Variants in RAD51B observed in about 807,000 individuals in gnomAD.
RAD51B encodes DNA repair protein RAD51 homolog 2.
In RAD51B, 38 loss-of-function variants were observed where a neutral mutation model predicts 42.2. The observed-to-expected ratio is 0.90, with a 90% CI of 0.70 to 1.18. The LOEUF (loss-of-function observed/expected upper bound fraction) is 1.18. Ranked by LOEUF, RAD51B falls within the 50% of genes most tolerant of loss-of-function variation. The pLI is 0.00. For synonymous variants in RAD51B, 154 were observed against 145.2 expected, an observed-to-expected ratio of 1.06 and a Z score of -0.43; for missense variants, 373 against 400.7, an observed-to-expected ratio of 0.93 and a Z score of 0.59.
Position 67,819,860 on chromosome 14 carries a change from GAA to G in RAD51B, c.-3+9_-3+10del, listed in dbSNP as rs1232997536. On this transcript the variant is annotated splice_region_variant and intron_variant, in intron 1 of 10. Transcript: ENST00000471583. ...GTTGGATGCTGCAGACCCGGTACTGGAAAGTTTCATGTGGGGTGCCGTTGTGG... is the reference window on the plus strand; with the variant it reads ...GTTGGATGCTGCAGACCCGGTACTGGAGTTTCATGTGGGGTGCCGTTGTGG... 7.2e-5 allele frequency: 11 copies of G among 152,208 alleles called. No individual in the cohort carries two copies. The highest frequency in any genetic ancestry group is 2.7e-4 in the African/African-American group (11 of 41,430). The allele number at this position is 152,208 out of a possible 1,614,324, so 9.4% of individuals were successfully genotyped here.
Position 68,468,262 on chromosome 14 carries a change from G to A in RAD51B, c.1036+12G>A. 6.2e-7 allele frequency: 1 copy of A among 1,605,188 alleles called. No homozygotes were observed. The highest frequency in any genetic ancestry group is 8.5e-7 in the Non-Finnish European group (1 of 1,172,002). The stretch of plus-strand genomic sequence containing the variant: ...CCTGGTTCTTCAAGGTAAGATCCTT[G>A]GATTAAGCCATTTCTTTAAGCTTAT... On this transcript the variant is annotated intron_variant, in intron 10 of 10. Coordinates refer to ENST00000471583, the MANE Select transcript of RAD51B (RefSeq NM_133510.4).
At chr14:67,971,731 C>T (rs550214310) in intron 7 of RAD51B, among the ~76,000 whole-genome samples, 1 of 151,996 alleles carries the variant, frequency 6.6e-6, no homozygotes, top group East Asian at 1.9e-4. Flanking sequence ...GTCATCCTCC[C>T]TCAGGGGGAA....
At chr14:68,017,990 A>AAATT (rs549912995) in intron 7 of RAD51B, among the ~76,000 whole-genome samples, 1 of 152,008 alleles carries the variant, frequency 6.6e-6, no homozygotes, top group Non-Finnish European at 1.5e-5. Flanking sequence ...ATAAATAAAT[A>AAATT]AATAAATAAA....
chr14:68,256,850 T>A (rs2080764310), intron 7 of RAD51B, among the ~76,000 whole-genome samples: 1 of 152,118 alleles, frequency 6.6e-6, no homozygotes. Flanking sequence ...AATACTAAAG[T>A]CATAAACATA....
At chr14:68,485,078 A>G (rs551806946) in intron 10 of RAD51B, among the ~76,000 whole-genome samples, 1 of 152,334 alleles carries the variant, frequency 6.6e-6, no homozygotes, top group South Asian at 2.1e-4. Flanking sequence ...CGCTGAAAAC[A>G]TAGCTGCCCA....
chr14:68,187,044 G>A (rs1426641676), intron 7 of RAD51B, among the ~76,000 whole-genome samples: 3 of 152,188 alleles, frequency 2.0e-5, no homozygotes, highest in Non-Finnish European at 4.4e-5. Flanking sequence ...ATGAAGTCAT[G>A]TCCTTTGCAG....
At chr14:68,388,089 TA>T (rs1368913769) in intron 8 of RAD51B, among the ~76,000 whole-genome samples, 1 of 138,678 alleles carries the variant, frequency 7.2e-6, no homozygotes, top group Non-Finnish European at 1.5e-5. Flanking sequence ...TATATATATA[TA>T]TATATTTTTT....
intron 3 of RAD51B, among the ~76,000 whole-genome samples, chr14:67,826,813 G>T (rs2140281377): frequency 6.6e-6 from 1 of 152,088 alleles, no homozygotes; most frequent in South Asian, 2.1e-4. Context: ...CTCCCGAGTG[G>T]CTGGGACTAC....
At chr14:67,984,245 GT>G (rs1279544377) in intron 7 of RAD51B, among the ~76,000 whole-genome samples, 1 of 152,010 alleles carries the variant, frequency 6.6e-6, no homozygotes, top group African/African-American at 2.4e-5. Flanking sequence ...CCAGGGCTGG[GT>G]TTTTATTAAA....
intron 7 of RAD51B, among the ~76,000 whole-genome samples, chr14:67,949,489 C>A (rs955736228): frequency 1.3e-5 from 2 of 152,164 alleles, no homozygotes; most frequent in Non-Finnish European, 2.9e-5. Flanking sequence ...AATTTGAGTT[C>A]TCTTGCTATT....
chr14:67,878,729 G>A (rs1047929325), intron 5 of RAD51B, among the ~76,000 whole-genome samples: 4 of 152,020 alleles, frequency 2.6e-5, no homozygotes, highest in African/African-American at 9.7e-5. Context: ...TTGAGATGGA[G>A]TCTCACTGTC....
chr14:68,431,963 C>T (rs1471534073), intron 9 of RAD51B, among the ~76,000 whole-genome samples: 4 of 152,066 alleles, frequency 2.6e-5, no homozygotes, highest in South Asian at 2.1e-4. Context: ...TTTGTTCTCA[C>T]TGGTTTCAAA....
intron 10 of RAD51B, among the ~76,000 whole-genome samples, chr14:68,469,450 G>A (rs922679310): frequency 6.6e-6 from 1 of 152,228 alleles, no homozygotes; most frequent in Admixed American, 6.5e-5. Flanking sequence ...TCAGGTCCAC[G>A]AAATTTGGGG....
At chr14:68,223,473 C>G (rs140447863) in intron 7 of RAD51B, among the ~76,000 whole-genome samples, 76 of 152,288 alleles carry the variant, frequency 5.0e-4, no homozygotes, top group African/African-American at 1.7e-3. Context: ...GAGTCCTGTC[C>G]AGACCTTTAA....
chr14:68,374,317 G>C (rs2083321639), intron 8 of RAD51B, among the ~76,000 whole-genome samples: 1 of 152,180 alleles, frequency 6.6e-6, no homozygotes, highest in Non-Finnish European at 1.5e-5. Flanking sequence ...GAACTGGAAT[G>C]CATTGAGTCT....
intron 7 of RAD51B, among the ~76,000 whole-genome samples, chr14:68,035,032 A>G (rs2076100021): frequency 6.6e-6 from 1 of 152,218 alleles, no homozygotes; most frequent in East Asian, 1.9e-4. Context: ...TCCTGGTTAC[A>G]GTATAACCTC....
At chr14:68,654,947 C>A (rs1884811) in intron 11 of RAD51B, among the ~76,000 whole-genome samples, 31 of 151,884 alleles carry the variant, frequency 2.0e-4, no homozygotes, top group African/African-American at 2.9e-4. Context: ...TCCCTCCCCC[C>A]CTGCCTTCCC....
intron 7 of RAD51B, among the ~76,000 whole-genome samples, chr14:68,255,075 G>C (rs1448209355): frequency 6.6e-6 from 1 of 151,502 alleles, no homozygotes; most frequent in Non-Finnish European, 1.5e-5. Flanking sequence ...TCTTTCACAT[G>C]CTCCCTTTTT....
chr14:68,339,665 A>G (rs1385120372), intron 8 of RAD51B: 1 of 198,502 alleles, frequency 5.0e-6, no homozygotes, highest in African/African-American at 2.4e-5. Context: ...ATTTTCATAT[A>G]TCAGGGGTGA....
Sources: gnomAD v4.1 joint callset for allele counts (sites outside exome capture counted in the v4.1 genomes callset) on GRCh38, gnomAD v4.1.1 for gene constraint, MANE v1.5 for transcripts, NCBI Gene and HGNC (gene_info 2026-07-23, HGNC 2026-07-21) for gene names.